The following NIN variants were observed in gnomAD, a reference collection of about 807,000 sequenced individuals.
NIN encodes ninein, also known as glycogen synthase kinase 3 beta-interacting protein.
Under a neutral mutation model 257.6 loss-of-function variants are expected in NIN, and 137 were observed. The ratio of observed to expected loss-of-function variants is 0.53; its 90% CI spans 0.46 to 0.61. The LOEUF (loss-of-function observed/expected upper bound fraction) is 0.61, where lower values mean the gene tolerates loss of function less well. Ranked by LOEUF, NIN falls within the 20% of genes least tolerant of loss-of-function variation. The pLI is 0.00. For synonymous variants in NIN, 918 were observed against 919.8 expected (o/e 1.00, Z 0.04); for missense variants, 2,439 against 2,501.2 (o/e 0.98, Z 0.53).
intron 3 of NIN, among the ~76,000 whole-genome samples, chr14:50,810,803 G>C (rs1158618708): frequency 3.3e-5 from 5 of 151,968 alleles, no homozygotes; most frequent in Admixed American, 3.3e-4. Flanking sequence ...TGGGACTACA[G>C]GCGCCCACCA....
rs1480693619 is a variant in NIN, at chr14:50,806,629, T to C, written c.265+108A>G. The C allele has an allele frequency of 6.8e-6, 4 of 590,778 alleles. No individual in the cohort carries two copies. In the African/African-American group the frequency reaches 7.7e-5, roughly 11 times the overall value. 36.6% of individuals were successfully genotyped at this position (590,778 alleles called of 1,614,324 possible). A position where few individuals can be genotyped will look rare whatever the true frequency, so the allele number is the denominator to read the frequency against. On this transcript the variant is annotated intron_variant, in intron 4 of 30. Transcript: ENST00000530997. ...TCACCGAAAATAACTGCTCAATCTG[T>C]GAAAGGCAGATGTCCCCAATCCTTC... is the stretch of plus-strand genomic sequence containing the variant.
intron 2 of NIN, among the ~76,000 whole-genome samples, 198 bp downstream of exon 2, chr14:50,830,266 G>A (rs1021770019): frequency 1.3e-5 from 2 of 152,232 alleles, no homozygotes; most frequent in Non-Finnish European, 2.9e-5. Context: ...GGCGTCGGGG[G>A]TACTGGAAGT....
chr14:50,788,635 A>G (rs1341386680), intron 5 of NIN, among the ~76,000 whole-genome samples: 5 of 152,228 alleles, frequency 3.3e-5, no homozygotes. Flanking sequence ...CTCCCCTACT[A>G]TGAAATCACC....
rs148204802 is a variant in NIN at position 50,820,192 on chromosome 14, T to C, written c.183+1682A>G. On this transcript the variant is annotated intron_variant, in intron 3 of 30. Coordinates refer to ENST00000530997, the MANE Select transcript of NIN (RefSeq NM_020921.4). ...GGCTCACTAAGTAAATATCACACTA[T>C]AGACCACTTAAGTATTCATTATTCA... is the stretch of plus-strand genomic sequence containing the variant. Among the ~76,000 whole-genome samples, 349 of 152,324 alleles carry C rather than the reference T, an allele frequency of 2.3e-3. 1 individual carries two copies. Among genetic ancestry groups the C allele is most frequent in the Non-Finnish European group, 3.7e-3 (252 of 68,034 alleles).
At chr14:50,821,127 TATAA>T (rs1240837380) in intron 3 of NIN, among the ~76,000 whole-genome samples, 2 of 152,236 alleles carry the variant, frequency 1.3e-5, no homozygotes, top group African/African-American at 2.4e-5. Flanking sequence ...ACCTATTGAT[TATAA>T]ATAGCTATTA....
chr14:50,798,625 G>C (rs2043947882), intron 4 of NIN, among the ~76,000 whole-genome samples: 1 of 152,186 alleles, frequency 6.6e-6, no homozygotes, highest in South Asian at 2.1e-4. Context: ...AGCCATTTTT[G>C]GGAAGAAGGA....
At chr14:50,767,530 ACT>A (rs1355837118) in intron 12 of NIN, among the ~76,000 whole-genome samples, 1 of 152,162 alleles carries the variant, frequency 6.6e-6, no homozygotes, top group Non-Finnish European at 1.5e-5. Flanking sequence ...AAGTAGAGTA[ACT>A]CTAGGCCAGG....
chr14:50,773,186 T>C, intron 7 of NIN, 91 bp from the exon 8 acceptor site: 1 of 987,980 alleles, frequency 1.0e-6, no homozygotes, highest in Non-Finnish European at 1.5e-6. Flanking sequence ...AGTACCATGG[T>C]TGGTCCCAGG....
chr14:50,794,593 A>G (rs2043752354), intron 4 of NIN: 9 of 268,296 alleles, frequency 3.4e-5, no homozygotes, highest in Non-Finnish European at 5.2e-5. Flanking sequence ...TTGGTGGCAG[A>G]CAACAAGATA....
Position 50,743,481 on chromosome 14 carries a change from C to A in NIN, c.5236G>T (p.Glu1746Ter). ...CTCTGATGTTCCCAGGATTTCTGTT[C>A]CTGCTTCATCGTCGCAATTCTATGC... ...LEHRIATMKQ[E>*]QKSWEHQSAS... Residue 1746 changes from glutamate to a stop codon, truncating the protein, a stop_gained, in exon 24 of 31, where the codon GAA becomes TAA. Transcript: ENST00000530997. LOFTEE classifies it high-confidence loss of function. 2 of 1,613,852 alleles carry A rather than the reference C, an allele frequency of 1.2e-6. No individual in the cohort carries two copies. Among genetic ancestry groups the A allele is most frequent in the Non-Finnish European group, 1.7e-6 (2 of 1,179,786 alleles).
chr14:50,726,216 C>T (rs552688381), intron 29 of NIN, 150 bp from the exon 30 acceptor site: 106 of 627,108 alleles, frequency 1.7e-4, no homozygotes, highest in South Asian at 1.2e-3. Context: ...AGTTTTGAGC[C>T]CTGCATGGAT....
intron 20 of NIN, among the ~76,000 whole-genome samples, chr14:50,753,208 T>C (rs2041871288): frequency 6.6e-6 from 1 of 152,158 alleles, no homozygotes; most frequent in African/African-American, 2.4e-5. Context: ...GAGACCAGCC[T>C]GAACAATATG....
chr14:50,771,660 T>A (rs1431551630), intron 9 of NIN, among the ~76,000 whole-genome samples, 192 bp from the exon 10 acceptor site: 1 of 151,542 alleles, frequency 6.6e-6, no homozygotes, highest in Non-Finnish European at 1.5e-5. Context: ...AAGGAAAGCA[T>A]AACATGGTTA....
At chr14:50,740,953 T>G (rs2041255299) in intron 25 of NIN, among the ~76,000 whole-genome samples, 3 of 152,246 alleles carry the variant, frequency 2.0e-5, no homozygotes, top group Admixed American at 6.5e-5. Flanking sequence ...TGAGACACTT[T>G]CTACCACACC....
Position 50,756,810 on chromosome 14 carries a change from T to C in NIN, c.4220A>G (p.His1407Arg). The C allele has an allele frequency of 1.3e-6, 2 of 1,551,732 alleles. No homozygotes were observed. Among genetic ancestry groups the C allele is most frequent in the Non-Finnish European group, 1.7e-6 (2 of 1,146,988 alleles). The change falls in exon 18 of 31, where the codon CAT becomes CGT. Residue 1407 changes from histidine to arginine, a missense_variant. Coordinates refer to ENST00000530997, the MANE Select transcript of NIN (RefSeq NM_020921.4). ...TGTTCCATGTAACCAGGCAATTTCATGTGCTTTTACTTTTTCCAAGAGCTG... is the reference window on the plus strand; with the variant it reads ...TGTTCCATGTAACCAGGCAATTTCACGTGCTTTTACTTTTTCCAAGAGCTG... ...NTQLLEKVKA[H>R]EIAWLHGTIQ...
In NIN at chr14:50,756,606, A is replaced by G. The variant is rs764423043; in HGVS notation, c.4424T>C (p.Leu1475Ser). The change falls in exon 18 of 31, where the codon TTA (leucine) becomes TCA (serine). Residue 1475 changes from leucine (L) to serine (S), a missense_variant. Leu to Ser is a moderately radical substitution (Grantham distance 145). Transcript: ENST00000530997. ...TRKLKERVTI[L>S]VKQKDVLSHG... ...AGAAAGTACATCTTTTTGCTTAACT[A>G]AAATAGTGACTCTCTCCTTCAACTT... 1.0e-5 allele frequency: 16 copies of G among 1,585,504 alleles called. No homozygotes were observed. The East Asian group carries it at 3.0e-4, about 29-fold the overall frequency.
intron 28 of NIN, among the ~76,000 whole-genome samples, chr14:50,731,880 TA>T (rs1169249968): frequency 6.6e-6 from 1 of 152,184 alleles, no homozygotes; most frequent in African/African-American, 2.4e-5. Flanking sequence ...GATCTGATGT[TA>T]AATCTCTTGC....
chr14:50,802,282 G>T (rs1175307224), intron 4 of NIN, among the ~76,000 whole-genome samples: 1 of 152,010 alleles, frequency 6.6e-6, no homozygotes, highest in African/African-American at 2.4e-5. Context: ...TCACTGTGTT[G>T]TTATTATTAT....
intron 5 of NIN, among the ~76,000 whole-genome samples, chr14:50,791,838 C>CACACACACACACAG (rs2043610428): frequency 2.0e-5 from 3 of 152,036 alleles, no homozygotes; most frequent in Non-Finnish European, 4.4e-5. Flanking sequence ...CACACACACA[C>CACACACACACACAG]AGAGTCCACT....
Sources: allele counts gnomAD v4.1 joint callset (sites outside exome capture counted in the v4.1 genomes callset), GRCh38; gene constraint gnomAD v4.1.1; transcripts MANE v1.5; gene names NCBI Gene and HGNC (gene_info 2026-07-23, HGNC 2026-07-21).